CPVL: variants seen among roughly 807,000 people sequenced by gnomAD.
CPVL encodes carboxypeptidase vitellogenic like.
Under a neutral mutation model 63.7 loss-of-function variants are expected in CPVL, and 51 were observed. That is an observed-to-expected ratio of 0.80 (90% CI 0.64 to 1.01). CPVL has a LOEUF of 1.01. Ranked by LOEUF, CPVL falls within the 50% of genes least tolerant of loss-of-function variation. The pLI, the probability that CPVL is intolerant of heterozygous loss-of-function variation, is 0.00. For missense variants in CPVL, 530 were observed against 573.1 expected, an observed-to-expected ratio of 0.92 and a Z score of 0.77; for synonymous variants, 195 against 206.0, an observed-to-expected ratio of 0.95 and a Z score of 0.46.
At chr7:29,195,440 TTTTC>T (rs1310298225), upstream of CPVL, 4 of 167,692 alleles carry the variant, frequency 2.4e-5, no homozygotes, top group Non-Finnish European at 3.8e-5. Context: ...GCAGACTTGA[TTTTC>T]TTTGTTTGTT....
chr7:29,194,513 T>G (rs1220912293), intron 1 of CPVL: 1 of 168,382 alleles, frequency 5.9e-6, no homozygotes, highest in Non-Finnish European at 1.3e-5. Flanking sequence ...CTACTCGAAG[T>G]GCGGCGGGAG....
intron 5 of CPVL, among the ~76,000 whole-genome samples, chr7:29,160,849 A>G (rs1795075974): frequency 6.6e-6 from 1 of 152,234 alleles, no homozygotes; most frequent in Admixed American, 6.5e-5. Flanking sequence ...GATAATATCT[A>G]TTAATCATTG....
intron 3 of CPVL, among the ~76,000 whole-genome samples, chr7:29,101,245 A>AT (rs1442443156): frequency 6.6e-6 from 1 of 152,242 alleles, no homozygotes; most frequent in East Asian, 1.9e-4. Context: ...CATTTACCAT[A>AT]TTGAAGTTGT....
chr7:29,042,634 A>C (rs576340926), intron 11 of CPVL, among the ~76,000 whole-genome samples: 2 of 150,656 alleles, frequency 1.3e-5, no homozygotes, highest in East Asian at 3.9e-4. Flanking sequence ...AAGAAAAAAC[A>C]AAAAATAATA....
intron 1 of CPVL, among the ~76,000 whole-genome samples, chr7:29,144,319 G>C (rs1021504631): frequency 6.6e-6 from 1 of 150,900 alleles, no homozygotes; most frequent in Admixed American, 6.6e-5. Context: ...CCAGCACTTT[G>C]GAAGGCCGAG....
rs558152536 is a variant in CPVL at position 29,061,943 on chromosome 7, C to CAA, written c.1137+2116_1137+2117dup. On this transcript the variant is annotated intron_variant, in intron 11 of 12. Coordinates refer to ENST00000265394, the MANE Select transcript of CPVL (RefSeq NM_031311.5). ...GGGCAACAAGAGCAAAACTCTATCT[C>CAA]AAAAAAAAAAAAAAAAAGTGTGTAC... Among the ~76,000 whole-genome samples the CAA allele has an allele frequency of 5.5e-3, 572 of 104,128 alleles. 5 individuals are homozygous for CAA. Among genetic ancestry groups the CAA allele is most frequent in the African/African-American group, 0.017 (541 of 32,212 alleles). The allele number at this position is 104,128 out of a possible 152,430, so 68.3% of individuals were successfully genotyped here.
chr7:29,053,935 T>C (rs74838962), intron 11 of CPVL, among the ~76,000 whole-genome samples: 3,673 of 151,226 alleles, frequency 0.024, 153 homozygotes, highest in African/African-American at 0.083. Context: ...AAAGCCAACA[T>C]TAGCCAGCAC....
At chr7:29,123,254 C>T (rs1411918625) in intron 1 of CPVL, among the ~76,000 whole-genome samples, 4 of 151,970 alleles carry the variant, frequency 2.6e-5, no homozygotes, top group African/African-American at 9.7e-5. Context: ...AGGCACATTT[C>T]CCCAGTAAGA....
intron 12 of CPVL, chr7:29,013,213 G>T (rs1473299203): frequency 6.6e-6 from 1 of 152,278 alleles, no homozygotes; most frequent in Non-Finnish European, 1.5e-5. Flanking sequence ...CACTGGAGGA[G>T]AGGAGATCAT....
chr7:29,026,488 C>T (rs999058586), intron 12 of CPVL, among the ~76,000 whole-genome samples: 13 of 151,670 alleles, frequency 8.6e-5, no homozygotes, highest in Admixed American at 6.6e-5. Context: ...TAATAACAAT[C>T]AGAGCAGAAC....
At chr7:29,116,118 T>G (rs1310557613) in intron 2 of CPVL, among the ~76,000 whole-genome samples, 1 of 152,152 alleles carries the variant, frequency 6.6e-6, no homozygotes, top group Non-Finnish European at 1.5e-5. Context: ...AACAAATGAA[T>G]GGATGAACAA....
intron 1 of CPVL, chr7:29,193,769 T>A (rs531823175): frequency 6.6e-6 from 1 of 152,230 alleles, no homozygotes; most frequent in East Asian, 1.9e-4. Flanking sequence ...TGCCAAGTCT[T>A]AAGTCTTTTG....
chr7:29,092,781 A>G (rs1785954098), intron 5 of CPVL, 79 bp from the exon 6 acceptor site: 4 of 1,010,614 alleles, frequency 4.0e-6, no homozygotes, highest in Non-Finnish European at 6.2e-6. Flanking sequence ...CCCACACTGG[A>G]AGGTGACCTT....
intron 3 of CPVL, among the ~76,000 whole-genome samples, chr7:29,104,905 G>T (rs1290471968): frequency 6.6e-6 from 1 of 152,182 alleles, no homozygotes; most frequent in Non-Finnish European, 1.5e-5. Context: ...AAAAGTTTCT[G>T]CAGAGTGTTC....
intron 11 of CPVL, among the ~76,000 whole-genome samples, chr7:29,040,430 G>A (rs1788954436): frequency 6.6e-6 from 1 of 152,126 alleles, no homozygotes; most frequent in Non-Finnish European, 1.5e-5. Context: ...TGGATAATGC[G>A]TTGACCTCAG....
intron 6 of CPVL, 79 bp downstream of exon 6, chr7:29,092,544 C>T: frequency 1.0e-6 from 1 of 994,498 alleles, no homozygotes; most frequent in Non-Finnish European, 1.6e-6. Context: ...ATAAAAATTC[C>T]AACACTAGAA....
chr7:29,069,623 G>A (rs985024016), intron 9 of CPVL, among the ~76,000 whole-genome samples: 1 of 152,106 alleles, frequency 6.6e-6, no homozygotes, highest in Non-Finnish European at 1.5e-5. Context: ...GATTTTTACA[G>A]AATGCCTGAA....
intron 11 of CPVL, among the ~76,000 whole-genome samples, chr7:29,033,206 TAAG>T (rs67145691): frequency 0.16 from 24,103 of 152,152 alleles, 1,954 homozygotes; most frequent in Middle Eastern, 0.24. Context: ...GCATTAAATA[TAAG>T]AATTCCAGAG....
intron 1 of CPVL, among the ~76,000 whole-genome samples, chr7:29,141,584 T>G (rs1181531951): frequency 6.6e-6 from 1 of 151,454 alleles, no homozygotes; most frequent in African/African-American, 2.4e-5. Flanking sequence ...AAACAAAGTA[T>G]GCCTTCACAG....
Sources: allele counts gnomAD v4.1 joint callset (sites outside exome capture counted in the v4.1 genomes callset), GRCh38; gene constraint gnomAD v4.1.1; transcripts MANE v1.5; gene names NCBI Gene and HGNC (gene_info 2026-07-23, HGNC 2026-07-21).